The following INSL6 variants were observed in gnomAD, a reference collection of about 807,000 sequenced individuals.
INSL6 encodes insulin like 6.
Under a neutral mutation model 9.4 loss-of-function variants are expected in INSL6, and 16 were observed. The ratio of observed to expected loss-of-function variants is 1.70; its 90% confidence interval spans 1.15 to 2.59. The LOEUF is 2.59. Among genes scored for constraint, INSL6 ranks in the 30% most tolerant of loss-of-function variants. The probability of loss-of-function intolerance (pLI) is 0.00; values close to 1 mark genes in which losing one functional copy is unlikely to be tolerated. For synonymous variants in INSL6, 154 were observed against 96.9 expected, an observed-to-expected ratio of 1.59 and a Z score of -3.46; for missense variants, 391 against 257.3, an observed-to-expected ratio of 1.52 and a Z score of -3.56.
chr9:5,152,343 C>G (rs1317022656), intron 2 of INSL6, among the ~76,000 whole-genome samples: 1 of 151,996 alleles, frequency 6.6e-6, no homozygotes, highest in Non-Finnish European at 1.5e-5. Context: ...TAAAACAATT[C>G]TCAAGAAATT....
chr9:5,042,843 C>G, the INSL6 span, among the ~76,000 whole-genome samples: 3 of 152,306 alleles, frequency 2.0e-5, no homozygotes, highest in East Asian at 5.8e-4. Flanking sequence ...AACCAAAATG[C>G]TGCACCAAAG....
the INSL6 span, among the ~76,000 whole-genome samples, chr9:4,996,791 G>T: frequency 6.6e-6 from 1 of 152,020 alleles, no homozygotes; most frequent in Non-Finnish European, 1.5e-5. Flanking sequence ...ATTATTAGAA[G>T]TAAAATGAAA....
At chr9:5,069,749 G>A in the INSL6 span, among the ~76,000 whole-genome samples, 1 of 151,982 alleles carries the variant, frequency 6.6e-6, no homozygotes, top group African/African-American at 2.4e-5. Context: ...TAACTAAGAA[G>A]AAATATCAAA....
chr9:5,156,004 A>C (rs565510405), intron 2 of INSL6, among the ~76,000 whole-genome samples: 2 of 152,296 alleles, frequency 1.3e-5, no homozygotes, highest in East Asian at 3.9e-4. Context: ...CACATTATCA[A>C]AATCAGTAAT....
chr9:5,045,836 G>A, the INSL6 span, among the ~76,000 whole-genome samples: 1 of 152,172 alleles, frequency 6.6e-6, no homozygotes. Context: ...TACTTGGGTT[G>A]CTGCTGTGAA....
the INSL6 span, among the ~76,000 whole-genome samples, chr9:4,997,324 CT>C: frequency 6.6e-6 from 1 of 152,176 alleles, no homozygotes; most frequent in African/African-American, 2.4e-5. Context: ...GTTCTGCAGG[CT>C]TACAAGCATG....
At chr9:5,153,396 C>A (rs1032731501) in intron 2 of INSL6, among the ~76,000 whole-genome samples, 4 of 152,208 alleles carry the variant, frequency 2.6e-5, no homozygotes, top group African/African-American at 9.6e-5. Context: ...TAGGTGGTTT[C>A]ACCCTCACGG....
At chr9:5,077,719 AAG>A in the INSL6 span, 72 of 484,256 alleles carry the variant, frequency 1.5e-4, no homozygotes, top group Non-Finnish European at 2.2e-4. Context: ...AGGTGATAAA[AAG>A]AGATTACTTT....
At chr9:5,185,218 T>C in intron 1 of INSL6, 96 bp downstream of exon 1, 1 of 1,510,528 alleles carries the variant, frequency 6.6e-7, no homozygotes, top group Admixed American at 1.7e-5. Flanking sequence ...TAGGCACAAA[T>C]TCCACTTCCT....
chr9:4,998,741 CA>C, the INSL6 span, among the ~76,000 whole-genome samples: 38,491 of 143,628 alleles, frequency 0.27, 5,062 homozygotes, highest in South Asian at 0.33. Flanking sequence ...CCACAAAAAA[CA>C]AAAAAAAAAA....
the INSL6 span, chr9:5,069,867 G>C: frequency 1.7e-6 from 2 of 1,178,668 alleles, no homozygotes; most frequent in Admixed American, 4.6e-5. Context: ...CTCCTCTTTG[G>C]AGCAATTCAT....
chr9:5,175,687 G>C (rs62541959), intron 1 of INSL6, among the ~76,000 whole-genome samples: 34,193 of 151,980 alleles, frequency 0.22, 4,556 homozygotes, highest in South Asian at 0.3. Flanking sequence ...TCAGATCAGG[G>C]ACAGCATTAG....
chr9:4,996,551 G>A, the INSL6 span, among the ~76,000 whole-genome samples: 1 of 151,296 alleles, frequency 6.6e-6, no homozygotes, highest in South Asian at 2.1e-4. Flanking sequence ...AATACATGAG[G>A]TATTGTAGAT....
At chr9:5,071,016 A>G in the INSL6 span, among the ~76,000 whole-genome samples, 4 of 152,178 alleles carry the variant, frequency 2.6e-5, no homozygotes, top group Non-Finnish European at 5.9e-5. Context: ...AGCAGAGAAG[A>G]AAAGGAATAT....
chr9:5,025,721 C>T, the INSL6 span, among the ~76,000 whole-genome samples: 236 of 152,052 alleles, frequency 1.6e-3, 1 homozygote, highest in South Asian at 0.014. Flanking sequence ...TTGGTAGAGA[C>T]GGGGTTTGCC....
the INSL6 span, chr9:5,100,187 C>T: frequency 1.3e-5 from 2 of 152,154 alleles, no homozygotes; most frequent in Admixed American, 6.5e-5. Flanking sequence ...CTTATTCAGG[C>T]TTATGTCTTC....
At chr9:5,066,930 A>G in the INSL6 span, 1 of 384,880 alleles carries the variant, frequency 2.6e-6, no homozygotes, top group Non-Finnish European at 4.6e-6. Flanking sequence ...TAATTTCCTC[A>G]GAGATTCTGT....
the INSL6 span, among the ~76,000 whole-genome samples, chr9:5,018,621 G>C: frequency 6.6e-6 from 1 of 152,220 alleles, no homozygotes; most frequent in Non-Finnish European, 1.5e-5. Context: ...TTACAGGCTT[G>C]AGCCACTGTG....
downstream of INSL6, among the ~76,000 whole-genome samples, chr9:5,159,272 G>A (rs1824874362): frequency 6.6e-6 from 1 of 151,876 alleles, no homozygotes; most frequent in South Asian, 2.1e-4. Context: ...TAACAAAATG[G>A]CAGGAATAAG....
Sources: allele counts gnomAD v4.1 joint callset (sites outside exome capture counted in the v4.1 genomes callset), GRCh38; gene constraint gnomAD v4.1.1; transcripts MANE v1.5; gene names NCBI Gene and HGNC (gene_info 2026-07-23, HGNC 2026-07-21).